CAST: variants seen among roughly 807,000 people sequenced by gnomAD.
CAST encodes the protein MIR583 host.
A neutral mutation model predicts 119.6 loss-of-function variants in CAST; 76 were observed. The ratio of observed to expected loss-of-function variants is 0.64; its 90% CI spans 0.53 to 0.77. The LOEUF is 0.77. CAST is among the 30% of genes least tolerant of loss of function. The pLI, the probability that CAST is intolerant of heterozygous loss-of-function variation, is 0.00. For synonymous variants in CAST, 319 were observed against 331.6 expected, an observed-to-expected ratio of 0.96 and a Z score of 0.41; for missense variants, 953 against 946.5, an observed-to-expected ratio of 1.01 and a Z score of -0.09.
At chr5:95,987,334 A>T in the CAST span, among the ~76,000 whole-genome samples, 1 of 152,028 alleles carries the variant, frequency 6.6e-6, no homozygotes, top group Non-Finnish European at 1.5e-5. Context: ...ACCATGCTTG[A>T]GAGAAGAGGT....
In CAST at chr5:96,534,708, AAG is replaced by A. The variant is rs1745751220; in HGVS notation, c.60+4829_60+4830del. Among the ~76,000 whole-genome samples the A allele has an allele frequency of 4.8e-5, 3 of 62,182 alleles. 1 individual carries two copies. The South Asian group carries it at 2.2e-3, about 46-fold the overall frequency. 40.8% of individuals were successfully genotyped at this position (62,182 alleles called of 152,430 possible). ...AGAGAGAGGAAGGAAGGAAGGAAGGAAGGAAGGAGAGAGAGAGAGAGAGAGAG... is the reference window on the plus strand; with the variant it reads ...AGAGAGAGGAAGGAAGGAAGGAAGGAGAAGGAGAGAGAGAGAGAGAGAGAG... On this transcript the variant is annotated intron_variant, in intron 1 of 11. Transcript: ENST00000505143.
chr5:95,989,276 TTTA>T, the CAST span, among the ~76,000 whole-genome samples: 1 of 152,210 alleles, frequency 6.6e-6, no homozygotes, highest in Non-Finnish European at 1.5e-5. Context: ...GCAAAGTTAC[TTTA>T]TTATTATTTT....
the CAST span, among the ~76,000 whole-genome samples, chr5:96,151,537 A>G: frequency 1.3e-5 from 2 of 152,036 alleles, no homozygotes; most frequent in South Asian, 4.1e-4. Flanking sequence ...AGAGGGTGGT[A>G]GTGGAGGAGA....
the CAST span, among the ~76,000 whole-genome samples, chr5:96,309,094 T>C: frequency 1.3e-5 from 2 of 152,216 alleles, no homozygotes; most frequent in Non-Finnish European, 1.5e-5. Flanking sequence ...CCCAGGGAGA[T>C]GGGGCTTTTA....
upstream of CAST, among the ~76,000 whole-genome samples, chr5:96,528,933 G>A (rs929333290): frequency 6.6e-6 from 1 of 152,232 alleles, no homozygotes; most frequent in African/African-American, 2.4e-5. Flanking sequence ...AGAAGTGAGT[G>A]TTGGGAATTA....
At chr5:96,660,849 T>C (rs1438822258), upstream of CAST, among the ~76,000 whole-genome samples, 1 of 152,044 alleles carries the variant, frequency 6.6e-6, no homozygotes, top group Admixed American at 6.6e-5. Context: ...TGAGTGGACA[T>C]AGTCCCAATA....
the CAST span, among the ~76,000 whole-genome samples, chr5:96,504,921 C>T: frequency 2.6e-5 from 4 of 152,296 alleles, no homozygotes; most frequent in African/African-American, 9.6e-5. Flanking sequence ...CACGTTGTTG[C>T]TCATATGAGT....
the CAST span, among the ~76,000 whole-genome samples, chr5:96,105,411 T>C: frequency 2.0e-5 from 3 of 152,238 alleles, no homozygotes; most frequent in Non-Finnish European, 4.4e-5. Context: ...ATGTGTCCCA[T>C]CAATACCTAA....
At chr5:96,115,133 C>T in the CAST span, among the ~76,000 whole-genome samples, 1 of 152,154 alleles carries the variant, frequency 6.6e-6, no homozygotes, top group Non-Finnish European at 1.5e-5. Context: ...GAAGAACTCC[C>T]GTTTTTCCTC....
chr5:96,433,232 C>G, the CAST span: 1 of 632,208 alleles, frequency 1.6e-6, no homozygotes, highest in South Asian at 1.8e-5. Context: ...TGAAGCGCTT[C>G]GGTCTCCAGG....
chr5:96,494,280 G>C, the CAST span, among the ~76,000 whole-genome samples: 1 of 152,080 alleles, frequency 6.6e-6, no homozygotes, highest in Non-Finnish European at 1.5e-5. Flanking sequence ...ATGTATGAAG[G>C]ACCCCTCCTT....
chr5:96,276,440 A>G, the CAST span, among the ~76,000 whole-genome samples: 2 of 152,308 alleles, frequency 1.3e-5, no homozygotes, highest in Middle Eastern at 6.8e-3. Flanking sequence ...TTATTTGGTC[A>G]TCTTTCAAAC....
the CAST span, among the ~76,000 whole-genome samples, chr5:96,131,221 AC>A: frequency 6.6e-6 from 1 of 152,100 alleles, no homozygotes; most frequent in East Asian, 1.9e-4. Flanking sequence ...ATGTCTATTA[AC>A]CTAGAGAGAT....
At chr5:96,763,292 G>A (rs1768669470) in intron 25 of CAST, 1 of 780,000 alleles carries the variant, frequency 1.3e-6, no homozygotes, top group Non-Finnish European at 2.4e-6. Context: ...TCTACCATTA[G>A]CAGCTATAAT....
chr5:96,104,078 GTTGT>G, the CAST span, among the ~76,000 whole-genome samples: 7 of 152,088 alleles, frequency 4.6e-5, no homozygotes, highest in African/African-American at 1.7e-4. Context: ...TTTTGATGGG[GTTGT>G]TTGTTTTTTT....
At chr5:96,575,642 T>C (rs910855223) in intron 1 of CAST, among the ~76,000 whole-genome samples, 4 of 149,436 alleles carry the variant, frequency 2.7e-5, no homozygotes, top group Non-Finnish European at 5.9e-5. Flanking sequence ...ACAATTTTTG[T>C]TTTTTGTTTT....
chr5:96,647,585 A>G (rs1748030552), intron 1 of CAST, among the ~76,000 whole-genome samples: 1 of 152,152 alleles, frequency 6.6e-6, no homozygotes, highest in South Asian at 2.1e-4. Flanking sequence ...GTTTTTATAG[A>G]GGTAATCAAG....
At chr5:95,997,821 A>T in the CAST span, among the ~76,000 whole-genome samples, 2 of 152,112 alleles carry the variant, frequency 1.3e-5, no homozygotes, top group Non-Finnish European at 2.9e-5. Context: ...AACTGTCAGC[A>T]TTCCAAGGGC....
At chr5:96,161,926 G>A in the CAST span, among the ~76,000 whole-genome samples, 2 of 152,040 alleles carry the variant, frequency 1.3e-5, no homozygotes, top group East Asian at 1.9e-4. Flanking sequence ...TTCATTGCTA[G>A]CAGATAGAAA....
Sources: allele counts gnomAD v4.1 joint callset (sites outside exome capture counted in the v4.1 genomes callset), GRCh38; gene constraint gnomAD v4.1.1; transcripts MANE v1.5; gene names NCBI Gene and HGNC (gene_info 2026-07-23, HGNC 2026-07-21).